Variants in ODF2 observed in about 807,000 individuals in gnomAD.
ODF2 encodes the protein outer dense fiber protein 2.
ODF2 carries 47 observed loss-of-function variants against 110.2 expected under a neutral mutation model. That is an observed-to-expected ratio of 0.43 (90% CI 0.34 to 0.54). The LOEUF is 0.54. ODF2 is among the 20% of genes least tolerant of loss of function. The pLI is 0.03. For synonymous variants in ODF2, 352 were observed against 397.7 expected (o/e 0.89, Z 1.37); for missense variants, 812 against 1,054.5 (o/e 0.77, Z 3.19).
intron 8 of ODF2, among the ~76,000 whole-genome samples, chr9:128,480,808 A>G (rs1004709046): frequency 6.8e-6 from 1 of 147,158 alleles, no homozygotes; most frequent in Non-Finnish European, 1.5e-5. Context: ...CAAGAGCGAG[A>G]CTTCCTCTCT....
At chr9:128,500,154 G>C (rs773929791) in exon 21 of ODF2, 8 of 1,614,106 alleles carry the variant, frequency 5.0e-6, no homozygotes, top group South Asian at 1.1e-5. Flanking sequence ...GCAGAACTAC[G>C]TCCAGTTCCT....
At chr9:128,497,485 A>ATATATATG (rs1845859357) in intron 18 of ODF2, 1 of 114,344 alleles carries the variant, frequency 8.7e-6, no homozygotes, top group African/African-American at 3.2e-5. Context: ...ATATATATAT[A>ATATATATG]TGTATAAAAT....
At chr9:128,488,588 C>T (rs1426045982) in intron 14 of ODF2, among the ~76,000 whole-genome samples, 5 of 152,202 alleles carry the variant, frequency 3.3e-5, no homozygotes, top group Admixed American at 2.0e-4. Context: ...ACTCAGCCTG[C>T]GCACATGAGA....
chr9:128,458,953 T>C (rs1445412247), intron 2 of ODF2, among the ~76,000 whole-genome samples: 1 of 152,072 alleles, frequency 6.6e-6, no homozygotes, highest in Admixed American at 6.6e-5. Context: ...TAATTGATTC[T>C]CCCACCTCAG....
intron 14 of ODF2, among the ~76,000 whole-genome samples, chr9:128,490,648 G>A (rs1844359030): frequency 6.6e-6 from 1 of 152,240 alleles, no homozygotes; most frequent in East Asian, 1.9e-4. Flanking sequence ...TTACAGAAAT[G>A]TGATGTAGAC....
In ODF2 at chr9:128,483,929, TC is replaced by T. The variant is rs1213470902; in HGVS notation, c.988-8del. The stretch of plus-strand genomic sequence containing the variant: ...TTGTGCCTCCATCACTTTTTCCGTC[TC>T]TCCACAGGCTCAAGCAAAGACAGCC... On this transcript the variant is annotated splice_region_variant and splice_polypyrimidine_tract_variant and intron_variant, in intron 10 of 20. Coordinates refer to ENST00000604420, the Ensembl canonical transcript of ODF2. The T allele has an allele frequency of 6.2e-7, 1 of 1,601,786 alleles. No individual in the cohort carries two copies. Among genetic ancestry groups the T allele is most frequent in the Non-Finnish European group, 8.6e-7 (1 of 1,169,262 alleles).
intron 8 of ODF2, among the ~76,000 whole-genome samples, chr9:128,480,825 T>TA (rs1444833763): frequency 4.1e-5 from 1 of 24,410 alleles, no homozygotes; most frequent in African/African-American, 5.9e-5. Context: ...CTCTAAAAAA[T>TA]AAAAAAAATT....
intron 1 of ODF2, chr9:128,456,492 C>T: frequency 1.3e-6 from 2 of 1,526,502 alleles, no homozygotes; most frequent in East Asian, 2.6e-5. Flanking sequence ...TTGGCTACCA[C>T]GGGGCTCTGC....
chr9:128,499,857 G>A (rs982391207), intron 20 of ODF2, among the ~76,000 whole-genome samples: 4 of 152,216 alleles, frequency 2.6e-5, no homozygotes, highest in African/African-American at 9.6e-5. Flanking sequence ...TGATCATTCC[G>A]TCCTGACCTC....
intron 4 of ODF2, among the ~76,000 whole-genome samples, chr9:128,461,804 TC>T (rs1836537874): frequency 1.3e-5 from 2 of 152,120 alleles, no homozygotes; most frequent in African/African-American, 2.4e-5. Flanking sequence ...CAAAAGTAAC[TC>T]CTTGAAGTTT....
At position 128,487,807 on chromosome 9, in the gene ODF2, ACACACACACAC is replaced by A. The variant is rs1843693269; in HGVS notation, c.1401-82_1401-72del. On this transcript the variant is annotated intron_variant, in intron 13 of 20. Transcript: ENST00000604420. ...GTCTAAAAAAACAAACAAACAAAACACACACACACACACACACACACACACACAAACAAACC... is the reference window on the plus strand; with the variant it reads ...GTCTAAAAAAACAAACAAACAAAACAACACACACACACACACAAACAAACC... 53 of 1,382,514 alleles carry A rather than the reference ACACACACACAC, an allele frequency of 3.8e-5. 2 individuals carry two copies. Among genetic ancestry groups the A allele is most frequent in the East Asian group, 4.9e-5 (2 of 40,652 alleles). 85.6% of individuals were successfully genotyped at this position (1,382,514 alleles called of 1,614,324 possible). A position where few individuals can be genotyped will look rare whatever the true frequency, so the allele number is the denominator to read the frequency against.
intron 3 of ODF2, 39 bp downstream of exon 2, chr9:128,459,696 C>T (rs779298405): frequency 4.6e-6 from 7 of 1,530,796 alleles, no homozygotes; most frequent in East Asian, 2.3e-5. Flanking sequence ...CTTTGGTCAC[C>T]TTGCTAAAAA....
At chr9:128,486,509 G>A (rs1431929334) in intron 13 of ODF2, among the ~76,000 whole-genome samples, 2 of 152,356 alleles carry the variant, frequency 1.3e-5, no homozygotes, top group East Asian at 3.9e-4. Context: ...GTGGTGGACT[G>A]TAATTGGTCA....
chr9:128,477,758 C>A (rs1841607753), intron 8 of ODF2, among the ~76,000 whole-genome samples: 1 of 150,610 alleles, frequency 6.6e-6, no homozygotes, highest in African/African-American at 2.4e-5. Flanking sequence ...GGTGCCACTC[C>A]CGGCTAATTT....
Position 128,494,739 on chromosome 9 carries a change from G to A in ODF2, c.1911+71G>A, listed in dbSNP as rs374171394. 9.9e-5 allele frequency: 160 copies of A among 1,613,592 alleles called. No individual in the cohort carries two copies. The highest frequency in any genetic ancestry group is 5.1e-4 in the Middle Eastern group (3 of 5,870). On this transcript the variant is annotated intron_variant, in intron 17 of 20. Coordinates refer to ENST00000604420, the Ensembl canonical transcript of ODF2. This position sits in a 1 kb window ranked among gnomAD's most constrained non-coding sequence, Gnocchi z 4.6. ...GCCCGCATACCAAGATGAGCTGCAC[G>A]CCCCCCAAGGGAGGACTACTTCCTT...
At chr9:128,491,969 C>T (rs1191461750) in intron 14 of ODF2, among the ~76,000 whole-genome samples, 1 of 151,482 alleles carries the variant, frequency 6.6e-6, no homozygotes, top group African/African-American at 2.4e-5. Flanking sequence ...GGGTTCATGC[C>T]ATCCTCCTGC....
intron 20 of ODF2, among the ~76,000 whole-genome samples, chr9:128,499,766 C>T (rs1310730922): frequency 6.6e-6 from 1 of 152,154 alleles, no homozygotes; most frequent in Non-Finnish European, 1.5e-5. Flanking sequence ...CACACCATCA[C>T]ACCCAGCTAA....
chr9:128,473,198 CT>C, intron 7 of ODF2, 156 bp downstream of exon 7: 2 of 985,166 alleles, frequency 2.0e-6, no homozygotes, highest in Non-Finnish European at 2.4e-6. Context: ...ACCACTCTCA[CT>C]TCCCAATCCT....
At chr9:128,480,347 A>C (rs992679787) in intron 8 of ODF2, among the ~76,000 whole-genome samples, 1 of 152,236 alleles carries the variant, frequency 6.6e-6, no homozygotes, top group African/African-American at 2.4e-5. Flanking sequence ...TGACCACCTC[A>C]ATCAAGCTGA....
Sources: gnomAD v4.1 joint callset for allele counts (sites outside exome capture counted in the v4.1 genomes callset) on GRCh38, gnomAD v4.1.1 for gene constraint, Gnocchi (gnomAD v3.1) non-coding constraint, MANE v1.5 for transcripts, NCBI Gene and HGNC (gene_info 2026-07-23, HGNC 2026-07-21) for gene names.